The following TMCC1 variants were observed in gnomAD, a reference collection of about 807,000 sequenced individuals.
TMCC1 encodes transmembrane and coiled-coil domain family 1, also known as transmembrane and coiled-coil domains protein 1.
A neutral mutation model predicts 52.4 loss-of-function variants in TMCC1; 15 were observed. The ratio of observed to expected loss-of-function variants is 0.29; its 90% confidence interval spans 0.19 to 0.44. The LOEUF (loss-of-function observed/expected upper bound fraction) is 0.44, where lower values mean the gene tolerates loss of function less well. TMCC1 is among the 20% of genes least tolerant of loss of function. The probability of loss-of-function intolerance (pLI) is 1.00; values close to 1 mark genes in which losing one functional copy is unlikely to be tolerated. For missense variants in TMCC1, 503 were observed against 806.0 expected (o/e 0.62, Z 4.55); for synonymous variants, 279 against 301.9 (o/e 0.92, Z 0.79).
intron 5 of TMCC1, among the ~76,000 whole-genome samples, chr3:129,656,308 G>A (rs1340824595): frequency 6.6e-6 from 1 of 152,156 alleles, no homozygotes; most frequent in Admixed American, 6.5e-5. Flanking sequence ...TCAGGCAGAG[G>A]GCAGATGGGT....
chr3:129,765,802 A>G (rs2054077155), intron 4 of TMCC1, among the ~76,000 whole-genome samples: 1 of 150,734 alleles, frequency 6.6e-6, no homozygotes, highest in South Asian at 2.1e-4. Flanking sequence ...TCCTAATTCT[A>G]TTGTCTAAAA....
chr3:129,649,375 T>C lies in TMCC1; in HGVS notation c.*2106A>G, dbSNP rs1202988235. 1 of 152,234 alleles carries C rather than the reference T, an allele frequency of 6.6e-6. No individual in the cohort carries two copies. The highest frequency in any genetic ancestry group is 2.4e-5 in the African/African-American group (1 of 41,448). 9.4% of individuals were successfully genotyped at this position (152,234 alleles called of 1,614,324 possible). A position where few individuals can be genotyped will look rare whatever the true frequency, so the allele number is the denominator to read the frequency against. ...GGCAAAGTTAACATTTTAATACATA[T>C]AGGCTTGGGGACAATTTGTTTTTGG... On this transcript the variant is annotated 3_prime_UTR_variant, in exon 7 of 7. Transcript: ENST00000393238.
At chr3:129,833,195 A>C (rs186486016) in intron 2 of TMCC1, among the ~76,000 whole-genome samples, 3 of 152,230 alleles carry the variant, frequency 2.0e-5, no homozygotes, top group Admixed American at 1.3e-4. Flanking sequence ...AAACAGGTAC[A>C]TGAAAACACC....
intron 4 of TMCC1, among the ~76,000 whole-genome samples, chr3:129,686,437 G>A (rs944248265): frequency 2.6e-5 from 4 of 152,002 alleles, no homozygotes; most frequent in South Asian, 2.1e-4. Flanking sequence ...CCTTTCCCAC[G>A]TACCCCACTC....
intron 4 of TMCC1, among the ~76,000 whole-genome samples, chr3:129,681,959 T>C (rs1377604039): frequency 6.7e-6 from 1 of 148,948 alleles, no homozygotes; most frequent in Non-Finnish European, 1.5e-5. Flanking sequence ...AATAAAGAAA[T>C]GAGAAAGGGA....
chr3:129,813,940 T>G (rs925159315), intron 4 of TMCC1, among the ~76,000 whole-genome samples: 1 of 152,100 alleles, frequency 6.6e-6, no homozygotes, highest in Non-Finnish European at 1.5e-5. Context: ...ATAAACACTT[T>G]AATTGTTCAT....
rs756103435 is a variant in TMCC1, at chr3:129,828,285, G to A, written c.94C>T (p.Gln32Ter). ...AEARKQTESEQKLSKMTHNAL... is the reference protein window; with the variant it reads ...AEARKQTESE Reference sequence around the variant, plus strand: ...TTGTGGGTCATTTTAGACAATTTTTGTTCTGATTCTGTCTGCTTTCTGGCC... The same window carrying A: ...TTGTGGGTCATTTTAGACAATTTTTATTCTGATTCTGTCTGCTTTCTGGCC... Residue 32 changes from glutamine (Q) to a stop codon, truncating the protein, a stop_gained, in exon 4 of 7, where the codon CAA becomes TAA. Transcript: ENST00000393238. LOFTEE classifies it high-confidence loss of function. The surrounding 1 kb of genome is among the most constrained non-coding windows in gnomAD (Gnocchi z 4.1). 1 of 1,614,082 alleles carries A rather than the reference G, an allele frequency of 6.2e-7. No individual in the cohort carries two copies. Among genetic ancestry groups the A allele is most frequent in the South Asian group, 1.1e-5 (1 of 91,082 alleles).
chr3:129,736,544 T>G (rs1232185125), intron 4 of TMCC1, among the ~76,000 whole-genome samples: 1 of 149,388 alleles, frequency 6.7e-6, no homozygotes, highest in Non-Finnish European at 1.5e-5. Flanking sequence ...TTTTTTGAGA[T>G]GGAGTCTAGC....
chr3:129,806,695 G>A (rs780068801), intron 4 of TMCC1, among the ~76,000 whole-genome samples: 4 of 151,954 alleles, frequency 2.6e-5, no homozygotes, highest in African/African-American at 4.8e-5. Context: ...ATTACAAGAA[G>A]CAAAAGAAAA....
intron 2 of TMCC1, among the ~76,000 whole-genome samples, chr3:129,836,987 C>G (rs962575629): frequency 6.6e-6 from 1 of 152,158 alleles, no homozygotes; most frequent in East Asian, 1.9e-4. Context: ...GCTTAATCAG[C>G]AAGGAGCAAT....
intron 2 of TMCC1, among the ~76,000 whole-genome samples, chr3:129,840,231 G>A (rs1053360422): frequency 1.3e-5 from 2 of 151,200 alleles, no homozygotes; most frequent in African/African-American, 4.9e-5. Context: ...GGACATTGAG[G>A]TGGGAGGATT....
intron 4 of TMCC1, among the ~76,000 whole-genome samples, chr3:129,745,158 C>T (rs1278349686): frequency 6.6e-6 from 1 of 152,206 alleles, no homozygotes; most frequent in Non-Finnish European, 1.5e-5. Flanking sequence ...TCTGGAGGCA[C>T]TGCTATCTAC....
chr3:129,846,056 A>G (rs559821944), intron 2 of TMCC1, among the ~76,000 whole-genome samples: 1 of 152,260 alleles, frequency 6.6e-6, no homozygotes, highest in African/African-American at 2.4e-5. Flanking sequence ...AGAAAAAACA[A>G]AAGAAAAACA....
At chr3:129,700,516 T>C (rs948457856) in intron 4 of TMCC1, among the ~76,000 whole-genome samples, 1 of 152,154 alleles carries the variant, frequency 6.6e-6, no homozygotes, top group Non-Finnish European at 1.5e-5. Context: ...CTCGCTCTGT[T>C]GCCAGGCTGG....
chr3:129,849,299 C>T (rs2059803390), intron 2 of TMCC1, among the ~76,000 whole-genome samples: 1 of 151,996 alleles, frequency 6.6e-6, no homozygotes, highest in African/African-American at 2.4e-5. Flanking sequence ...TCCACCTCTA[C>T]TAAAAATACA....
chr3:129,790,639 G>A (rs2056388684), intron 4 of TMCC1, among the ~76,000 whole-genome samples: 1 of 152,248 alleles, frequency 6.6e-6, no homozygotes, highest in African/African-American at 2.4e-5. Context: ...TGATCAGAGT[G>A]CAGGCCAGAG....
At chr3:129,770,541 G>T (rs1443728794) in intron 4 of TMCC1, among the ~76,000 whole-genome samples, 1 of 151,320 alleles carries the variant, frequency 6.6e-6, no homozygotes, top group Non-Finnish European at 1.5e-5. Context: ...TCACACCACT[G>T]TACTCCAGCC....
chr3:129,707,060 G>A (rs986274429), intron 4 of TMCC1, among the ~76,000 whole-genome samples: 5 of 152,072 alleles, frequency 3.3e-5, no homozygotes, highest in African/African-American at 1.2e-4. Flanking sequence ...CGTAGAAATA[G>A]GGCAAAACCA....
At chr3:129,859,488 T>C (rs889752682) in intron 2 of TMCC1, among the ~76,000 whole-genome samples, 1 of 151,758 alleles carries the variant, frequency 6.6e-6, no homozygotes, top group Non-Finnish European at 1.5e-5. Context: ...AATACAACAA[T>C]TAGGTGGGCA....
Sources: allele counts gnomAD v4.1 joint callset (sites outside exome capture counted in the v4.1 genomes callset), GRCh38; gene constraint gnomAD v4.1.1; non-coding constraint Gnocchi (gnomAD v3.1); transcripts MANE v1.5; gene names NCBI Gene and HGNC (gene_info 2026-07-23, HGNC 2026-07-21).